Variants in EGFLAM observed in about 807,000 individuals in gnomAD.
The protein encoded by EGFLAM is pikachurin.
Under a neutral mutation model 113.1 loss-of-function variants are expected in EGFLAM, and 79 were observed. The observed-to-expected ratio is 0.70, with a 90% CI of 0.58 to 0.84. The LOEUF (loss-of-function observed/expected upper bound fraction) is 0.84. Among genes scored for constraint, EGFLAM ranks in the 40% least tolerant of loss-of-function variants. The pLI is 0.00. For missense variants in EGFLAM, 1,265 were observed against 1,291.6 expected, an observed-to-expected ratio of 0.98 and a Z score of 0.32; for synonymous variants, 504 against 487.6, an observed-to-expected ratio of 1.03 and a Z score of -0.44.
rs766347955 is a variant in EGFLAM at position 38,407,154 on chromosome 5, C to CT, written c.1147+10dup. 6.3e-7 allele frequency: 1 copy of CT among 1,583,646 alleles called. No homozygotes were observed. The highest frequency in any genetic ancestry group is 1.1e-5 in the South Asian group (1 of 90,694). On this transcript the variant is annotated intron_variant, in intron 8 of 21. Coordinates refer to ENST00000322350, the MANE Select transcript of EGFLAM (RefSeq NM_152403.4). Reference sequence around the variant, plus strand: ...GTGAGAGCTGCTCAGAAGGTAGGCCCTTGGGGGAGAGGAAGAAGTGGTGAT... The same window carrying CT: ...GTGAGAGCTGCTCAGAAGGTAGGCCCTTTGGGGGAGAGGAAGAAGTGGTGAT...
At chr5:38,388,599 T>A (rs1045192335) in intron 6 of EGFLAM, among the ~76,000 whole-genome samples, 9 of 147,814 alleles carry the variant, frequency 6.1e-5, no homozygotes, top group South Asian at 2.1e-4. Flanking sequence ...TATATATATA[T>A]GTATATATAA....
Position 38,418,274 on chromosome 5 carries a change from G to A in EGFLAM, c.1684+19G>A, listed in dbSNP as rs752006108. 1 of 1,613,162 alleles carries A rather than the reference G, an allele frequency of 6.2e-7. No homozygotes were observed. The highest frequency in any genetic ancestry group is 1.7e-5 in the Admixed American group (1 of 59,924). ...GATGTGGGTAAGTGGCTGCCTGGTG[G>A]GTTGGGGTACTCTTATGGGACTTAT... On this transcript the variant is annotated intron_variant, in intron 12 of 21. Coordinates refer to ENST00000322350, the MANE Select transcript of EGFLAM (RefSeq NM_152403.4).
chr5:38,417,998 A>C, intron 11 of EGFLAM, 68 bp from the exon 12 acceptor site: 1 of 1,478,556 alleles, frequency 6.8e-7, no homozygotes, highest in Non-Finnish European at 9.2e-7. Flanking sequence ...CCCTCATAAA[A>C]ATCTGGTGTG....
chr5:38,345,081 G>A (rs1739440826), intron 3 of EGFLAM, among the ~76,000 whole-genome samples: 1 of 152,164 alleles, frequency 6.6e-6, no homozygotes, highest in Admixed American at 6.5e-5. Flanking sequence ...GCTCATTTCA[G>A]AACTAGTTAG....
chr5:38,304,525 G>A (rs1758678801), intron 1 of EGFLAM, among the ~76,000 whole-genome samples: 1 of 152,132 alleles, frequency 6.6e-6, no homozygotes, highest in Admixed American at 6.5e-5. Context: ...GTTCCTTTAG[G>A]TAGGATATTG....
intron 5 of EGFLAM, among the ~76,000 whole-genome samples, chr5:38,364,832 A>C (rs1740018565): frequency 6.6e-6 from 1 of 152,120 alleles, no homozygotes; most frequent in African/African-American, 2.4e-5. Flanking sequence ...TCTGTTTATG[A>C]GATGATGTTT....
At chr5:38,458,539 T>C in intron 20 of EGFLAM, 145 bp downstream of exon 20, 1 of 723,154 alleles carries the variant, frequency 1.4e-6, no homozygotes, top group Non-Finnish European at 2.2e-6. Context: ...CAGGGAATTT[T>C]CTACCAATTC....
chr5:38,310,546 C>T (rs1046062401), intron 1 of EGFLAM, among the ~76,000 whole-genome samples: 2 of 152,070 alleles, frequency 1.3e-5, no homozygotes, highest in African/African-American at 4.8e-5. Context: ...CCTTTCTTCC[C>T]TCCTACCTTC....
At position 38,427,209 on chromosome 5, in the gene EGFLAM, G is replaced by T. The variant is rs147520523; in HGVS notation, c.2011G>T (p.Val671Leu). The change falls in exon 14 of 22, where the codon GTG (valine) becomes TTG (leucine). Residue 671 changes from valine to leucine, a missense_variant. Transcript: ENST00000322350. The stretch of plus-strand genomic sequence containing the variant: ...GTCCATCAACTTGGCAGGGGGCCAC[G>T]TGGAGTTCCGCTTTGACTGTGGCTC... ...FLSINLAGGH[V>L]EFRFDCGSGT... The T allele has an allele frequency of 1.2e-6, 2 of 1,614,134 alleles. No individual in the cohort carries two copies. Among genetic ancestry groups the T allele is most frequent in the Non-Finnish European group, 1.7e-6 (2 of 1,180,012 alleles).
chr5:38,350,393 G>A (rs1739588255), intron 3 of EGFLAM, 108 bp from the exon 4 acceptor site: 1 of 1,062,298 alleles, frequency 9.4e-7, no homozygotes, highest in South Asian at 1.5e-5. Flanking sequence ...CATTCTCTGT[G>A]CCAAGCAGTT....
intron 1 of EGFLAM, among the ~76,000 whole-genome samples, chr5:38,308,418 G>GGGAAAGAAGCTTGGCAACTTGGTC (rs1758784552): frequency 6.6e-6 from 1 of 152,214 alleles, no homozygotes; most frequent in African/African-American, 2.4e-5. Flanking sequence ...GATGTACCAA[G>GGGAAAGAAGCTTGGCAACTTGGTC]GGAAAGAAGC....
At chr5:38,408,197 A>G (rs1741356319) in intron 9 of EGFLAM, among the ~76,000 whole-genome samples, 1 of 152,222 alleles carries the variant, frequency 6.6e-6, no homozygotes, top group Non-Finnish European at 1.5e-5. Flanking sequence ...GTTGTTCACA[A>G]TAGTGATTTC....
At chr5:38,461,609 A>T (rs1377613005) in intron 20 of EGFLAM, among the ~76,000 whole-genome samples, 1 of 152,086 alleles carries the variant, frequency 6.6e-6, no homozygotes, top group African/African-American at 2.4e-5. Context: ...GCACTTCCCA[A>T]ATGGGAAGTT....
At chr5:38,403,986 G>T in intron 6 of EGFLAM, 1 of 1,605,078 alleles carries the variant, frequency 6.2e-7, no homozygotes, top group South Asian at 1.1e-5. Context: ...TGAGAACACC[G>T]CCTCCCCTTT....
chr5:38,296,407 C>T (rs1758454006), intron 1 of EGFLAM, among the ~76,000 whole-genome samples: 1 of 152,090 alleles, frequency 6.6e-6, no homozygotes, highest in African/African-American at 2.4e-5. Flanking sequence ...ACTCTGAAGT[C>T]CATGCTGTTT....
intron 1 of EGFLAM, among the ~76,000 whole-genome samples, chr5:38,312,803 G>A (rs868225911): frequency 6.6e-6 from 1 of 152,294 alleles, no homozygotes. Context: ...GTTAAAGTAT[G>A]CGGGCTGGGT....
chr5:38,371,368 A>G (rs1199482458), intron 6 of EGFLAM, among the ~76,000 whole-genome samples: 2 of 152,144 alleles, frequency 1.3e-5, no homozygotes, highest in Non-Finnish European at 1.5e-5. Context: ...ACCAGCCAAC[A>G]TGAAGCCCTG....
intron 6 of EGFLAM, among the ~76,000 whole-genome samples, chr5:38,395,468 T>TA (rs1168362825): frequency 6.6e-6 from 1 of 152,084 alleles, no homozygotes; most frequent in Non-Finnish European, 1.5e-5. Flanking sequence ...CCAGGCTAGA[T>TA]ATAGGATTTT....
At chr5:38,279,565 A>G (rs1757967066) in intron 1 of EGFLAM, among the ~76,000 whole-genome samples, 1 of 152,222 alleles carries the variant, frequency 6.6e-6, no homozygotes, top group South Asian at 2.1e-4. Context: ...TATCATTTGC[A>G]ACAACATGGA....
Sources: gnomAD v4.1 joint callset for allele counts (sites outside exome capture counted in the v4.1 genomes callset) on GRCh38, gnomAD v4.1.1 for gene constraint, MANE v1.5 for transcripts, NCBI Gene and HGNC (gene_info 2026-07-23, HGNC 2026-07-21) for gene names.